Variants in EBF2 observed in about 807,000 individuals in gnomAD.
The protein encoded by EBF2 is EBF transcription factor 2, also known as transcription factor COE2.
EBF2 carries 21 observed loss-of-function variants against 72.8 expected under a neutral mutation model. The observed-to-expected ratio is 0.29, with a 90% confidence interval of 0.20 to 0.42. EBF2 has a LOEUF of 0.42. EBF2 is among the 10% of genes least tolerant of loss of function. The pLI is 1.00. For synonymous variants in EBF2, 299 were observed against 274.2 expected, an observed-to-expected ratio of 1.09 and a Z score of -0.89; for missense variants, 637 against 731.2, an observed-to-expected ratio of 0.87 and a Z score of 1.49.
intron 6 of EBF2, among the ~76,000 whole-genome samples, chr8:25,969,868 C>A (rs530901146): frequency 6.6e-6 from 1 of 152,200 alleles, no homozygotes; most frequent in Non-Finnish European, 1.5e-5. Flanking sequence ...CCGTGCCTGA[C>A]AGCAATATCT....
rs138248830 is a variant in EBF2 at position 25,879,520 on chromosome 8, A to G, written c.1009+7235T>C. Among the ~76,000 whole-genome samples the G allele has an allele frequency of 3.0e-3, 456 of 152,200 alleles. 3 individuals carry two copies. The highest frequency in any genetic ancestry group is 9.9e-3 in the African/African-American group (411 of 41,538). On this transcript the variant is annotated intron_variant, in intron 10 of 15. Transcript: ENST00000520164. ...AGTTATGACACCTACCCATCTCCTT[A>G]TAGCTCCATCACCCATGTCCAGGGG...
intron 10 of EBF2, among the ~76,000 whole-genome samples, chr8:25,872,380 C>T (rs1028003338): frequency 6.6e-6 from 1 of 152,178 alleles, no homozygotes; most frequent in Non-Finnish European, 1.5e-5. Context: ...CTGCTGGCCT[C>T]GGTTGCAGCT....
intron 10 of EBF2, among the ~76,000 whole-genome samples, chr8:25,869,984 G>C (rs1315128513): frequency 6.6e-6 from 1 of 152,120 alleles, no homozygotes; most frequent in Non-Finnish European, 1.5e-5. Context: ...TGCAGAACCA[G>C]AGATGATGAT....
Position 25,843,283 on chromosome 8 carries a change from T to C in EBF2, c.*1326A>G, listed in dbSNP as rs892682966. On this transcript the variant is annotated 3_prime_UTR_variant, in exon 16 of 16. Coordinates refer to ENST00000520164, the MANE Select transcript of EBF2 (RefSeq NM_022659.4). ...TTCCGTCTCATTCTTGACTAGAAACTGTCGAGTGGCATAGCTATGTTTTTC... is the reference window on the plus strand; with the variant it reads ...TTCCGTCTCATTCTTGACTAGAAACCGTCGAGTGGCATAGCTATGTTTTTC... The C allele has an allele frequency of 6.6e-6, 1 of 152,184 alleles. No individual in the cohort carries two copies. The highest frequency in any genetic ancestry group is 2.4e-5 in the African/African-American group (1 of 41,452). 9.4% of individuals were successfully genotyped at this position (152,184 alleles called of 1,614,324 possible).
intron 6 of EBF2, among the ~76,000 whole-genome samples, chr8:25,944,642 A>G (rs1223023965): frequency 1.4e-5 from 2 of 148,144 alleles, no homozygotes; most frequent in African/African-American, 4.9e-5. Context: ...TTATATAATT[A>G]TATATGATAT....
At chr8:25,972,104 C>T (rs932243133) in intron 6 of EBF2, among the ~76,000 whole-genome samples, 17 of 152,166 alleles carry the variant, frequency 1.1e-4, no homozygotes, top group African/African-American at 3.6e-4. Flanking sequence ...GGCTGTTCCC[C>T]GGAATGCAAA....
At position 25,843,212 on chromosome 8, in the gene EBF2, G is replaced by C. The variant is rs903948587; in HGVS notation, c.*1397C>G. 3 of 152,096 alleles carry C rather than the reference G, an allele frequency of 2.0e-5. No homozygotes were observed. Among genetic ancestry groups the C allele is most frequent in the Non-Finnish European group, 2.9e-5 (2 of 68,016 alleles). The allele number at this position is 152,096 out of a possible 1,614,324, so 9.4% of individuals were successfully genotyped here. On this transcript the variant is annotated 3_prime_UTR_variant, in exon 16 of 16. Transcript: ENST00000520164. ...CAAGAATCTGGTCTTGCCTTTCTTC[G>C]AACATCAGAAGAGGGGATTAGGGCT...
At position 25,889,116 on chromosome 8, in the gene EBF2, G is replaced by C. The variant is rs78950111; in HGVS notation, c.751+636C>G. Among the ~76,000 whole-genome samples, 25 of 152,268 alleles carry C rather than the reference G, an allele frequency of 1.6e-4. No homozygotes were observed. The East Asian group carries it at 4.6e-3, about 28-fold the overall frequency. ...TCACACTAAAATAGTAGCCTAGTTTGACCAACATTCTGTATTATAAGGTCT... is the reference window on the plus strand; with the variant it reads ...TCACACTAAAATAGTAGCCTAGTTTCACCAACATTCTGTATTATAAGGTCT... On this transcript the variant is annotated intron_variant, in intron 8 of 15. Coordinates refer to ENST00000520164, the MANE Select transcript of EBF2 (RefSeq NM_022659.4).
At chr8:25,852,649 CT>C (rs1563375012) in intron 14 of EBF2, among the ~76,000 whole-genome samples, 1 of 152,172 alleles carries the variant, frequency 6.6e-6, no homozygotes, top group African/African-American at 2.4e-5. Context: ...ACACCTCAAG[CT>C]TTACTAAGTG....
intron 6 of EBF2, among the ~76,000 whole-genome samples, chr8:25,941,202 TCCC>T (rs963207114): frequency 4.8e-4 from 45 of 93,512 alleles, no homozygotes; most frequent in Non-Finnish European, 6.6e-4. Context: ...TGATTGCTGC[TCCC>T]CCATCTTTTT....
chr8:26,029,703 G>A (rs555117444), intron 6 of EBF2, among the ~76,000 whole-genome samples: 9 of 152,240 alleles, frequency 5.9e-5, no homozygotes, highest in Non-Finnish European at 1.3e-4. Context: ...ATAATTAGTT[G>A]GCATTATAGG....
At chr8:26,034,251 C>T (rs370609991) in intron 5 of EBF2, among the ~76,000 whole-genome samples, 6 of 152,122 alleles carry the variant, frequency 3.9e-5, no homozygotes, top group Middle Eastern at 3.2e-3. Flanking sequence ...TTTTAAAATA[C>T]GAGGAAAATG....
rs1802139637 is a variant in EBF2 at position 25,858,394 on chromosome 8, C to G, written c.1453G>C (p.Val485Leu). Reference protein sequence around the residue: ...SSNSMNGYSNVPMANLGVPGS... With the variant: ...SSNSMNGYSNLPMANLGVPGS... The stretch of plus-strand genomic sequence containing the variant: ...GGAACACCCAAGTTGGCCATGGGGA[C>G]ATTGCTGTAGCCATTCATACTGTTG... Residue 485 changes from valine (V) to leucine (L), a missense_variant, in exon 14 of 16, where the codon GTC becomes CTC. Val to Leu is a conservative substitution (Grantham distance 32). Around this residue, in one of 3 missense-constraint regions of EBF2, gnomAD observed 259 missense variants for 268.1 expected, o/e 0.97. Coordinates refer to ENST00000520164, the MANE Select transcript of EBF2 (RefSeq NM_022659.4). 1.2e-6 allele frequency: 2 copies of G among 1,614,138 alleles called. No homozygotes were observed. Among genetic ancestry groups the G allele is most frequent in the Non-Finnish European group, 1.7e-6 (2 of 1,180,020 alleles).
chr8:25,957,212 T>C (rs1185449898), intron 6 of EBF2, among the ~76,000 whole-genome samples: 2 of 152,170 alleles, frequency 1.3e-5, no homozygotes, highest in African/African-American at 4.8e-5. Flanking sequence ...CAAGAGCAAA[T>C]CTTTCTTTCC....
In EBF2 at chr8:25,929,703, C is replaced by T. The variant is rs143520376; in HGVS notation, c.552-21148G>A. Among the ~76,000 whole-genome samples the T allele has an allele frequency of 2.6e-5, 4 of 152,248 alleles. No homozygotes were observed. The East Asian group carries it at 5.8e-4, about 22-fold the overall frequency. On this transcript the variant is annotated intron_variant, in intron 6 of 15. Coordinates refer to ENST00000520164, the MANE Select transcript of EBF2 (RefSeq NM_022659.4). Reference sequence around the variant, plus strand: ...GTCCACAATGACTCCCTCCTTGGGACGTCTAAACACACATGAGTAAGGTCA... The same window carrying T: ...GTCCACAATGACTCCCTCCTTGGGATGTCTAAACACACATGAGTAAGGTCA...
At chr8:25,939,931 C>T (rs1369429951) in intron 6 of EBF2, among the ~76,000 whole-genome samples, 1 of 152,134 alleles carries the variant, frequency 6.6e-6, no homozygotes, top group Non-Finnish European at 1.5e-5. Context: ...AACAGACTGC[C>T]TTGTTAGGCA....
chr8:26,042,906 G>T (rs952027119), intron 1 of EBF2, among the ~76,000 whole-genome samples: 2 of 152,186 alleles, frequency 1.3e-5, no homozygotes, highest in African/African-American at 4.8e-5. Context: ...ACAGAGACAG[G>T]GCGGAATCCT....
Position 25,907,419 on chromosome 8 carries a change from C to CAAAAAAAA in EBF2, c.633+1047_633+1054dup, listed in dbSNP as rs55695734. On this transcript the variant is annotated intron_variant, in intron 7 of 15. Transcript: ENST00000520164. ...TAGGTGACAGAGTGAGACCCTGCCT[C>CAAAAAAAA]AAAAAAAAAAAAAAAAAAAAAAAAA... Among the ~76,000 whole-genome samples the CAAAAAAAA allele has an allele frequency of 1.3e-3, 37 of 28,894 alleles. 2 individuals are homozygous for CAAAAAAAA. The highest frequency in any genetic ancestry group is 6.5e-3 in the South Asian group (2 of 310). The allele number at this position is 28,894 out of a possible 152,430, so 19.0% of individuals were successfully genotyped here.
intron 7 of EBF2, among the ~76,000 whole-genome samples, chr8:25,899,059 C>A (rs932180404): frequency 6.6e-6 from 1 of 152,110 alleles, no homozygotes; most frequent in Non-Finnish European, 1.5e-5. Context: ...AAACTCATTT[C>A]CTGGGTGAGT....
Sources: allele counts gnomAD v4.1 joint callset (sites outside exome capture counted in the v4.1 genomes callset), GRCh38; gene constraint gnomAD v4.1.1; regional missense constraint gnomAD v4.1.1; transcripts MANE v1.5; gene names NCBI Gene and HGNC (gene_info 2026-07-23, HGNC 2026-07-21).